UCK2: variants seen among roughly 807,000 people sequenced by gnomAD.
UCK2 encodes uridine-cytidine kinase 2.
A neutral mutation model predicts 30.8 loss-of-function variants in UCK2; 6 were observed. The ratio of observed to expected loss-of-function variants is 0.19; its 90% CI spans 0.11 to 0.38. UCK2 has a LOEUF of 0.38. Among genes scored for constraint, UCK2 ranks in the 10% least tolerant of loss-of-function variants. The probability of loss-of-function intolerance (pLI) is 1.00; values close to 1 mark genes in which losing one functional copy is unlikely to be tolerated. For synonymous variants in UCK2, 125 were observed against 133.6 expected (o/e 0.94, Z 0.45); for missense variants, 210 against 339.8 (o/e 0.62, Z 3.00).
intron 6 of UCK2, among the ~76,000 whole-genome samples, chr1:165,907,089 A>G (rs981563778): frequency 1.3e-5 from 2 of 152,186 alleles, no homozygotes; most frequent in African/African-American, 4.8e-5. Context: ...TACAGTCTGA[A>G]GGAATTATCC....
intron 1 of UCK2, among the ~76,000 whole-genome samples, chr1:165,829,104 A>G (rs529381789): frequency 4.6e-5 from 7 of 152,024 alleles, no homozygotes; most frequent in Admixed American, 1.3e-4. Context: ...CCTGGTCTGG[A>G]CTACTTTAGC....
At chr1:165,893,842 A>C (rs1266848231) in intron 3 of UCK2, among the ~76,000 whole-genome samples, 7 of 152,250 alleles carry the variant, frequency 4.6e-5, no homozygotes, top group Non-Finnish European at 5.9e-5. Context: ...AGGCACCACC[A>C]ACAAATTAGG....
rs61491030 is a variant in UCK2, at chr1:165,850,927, AT to A, written c.99+23022del. Among the ~76,000 whole-genome samples, 1,017 of 109,832 alleles carry A rather than the reference AT, an allele frequency of 9.3e-3. 12 individuals carry two copies. Among genetic ancestry groups the A allele is most frequent in the African/African-American group, 0.029 (851 of 29,348 alleles). 72.1% of individuals were successfully genotyped at this position (109,832 alleles called of 152,430 possible). On this transcript the variant is annotated intron_variant, in intron 1 of 6. Coordinates refer to ENST00000367879, the MANE Select transcript of UCK2 (RefSeq NM_012474.5). ...GTGAGCCACCACGCCTGGCCTTTAA[AT>A]TTTTTTTTTTTTTTTTTTTTTTTTT... is the stretch of plus-strand genomic sequence containing the variant.
At position 165,827,737 on chromosome 1, in the gene UCK2, AGCG is replaced by A; in HGVS notation, c.-91_-89del. On this transcript the variant is annotated 5_prime_UTR_variant, in exon 1 of 7. Coordinates refer to ENST00000367879, the MANE Select transcript of UCK2 (RefSeq NM_012474.5). ...AGCGGCCTCAGCCCCGGCAGCGCCC[AGCG>A]GCGGCTGCGGAAAGCGGAGGGAGTC... 8.9e-7 allele frequency: 1 copy of A among 1,121,414 alleles called. No homozygotes were observed. Among genetic ancestry groups the A allele is most frequent in the Non-Finnish European group, 1.1e-6 (1 of 871,652 alleles). The allele number at this position is 1,121,414 out of a possible 1,614,324, so 69.5% of individuals were successfully genotyped here.
chr1:165,890,819 TA>T, intron 2 of UCK2: 1 of 259,108 alleles, frequency 3.9e-6, no homozygotes, highest in Non-Finnish European at 7.5e-6. Flanking sequence ...ACTGCTCCTT[TA>T]GCTGGCTTGG....
intron 1 of UCK2, among the ~76,000 whole-genome samples, chr1:165,879,171 C>T (rs114913307): frequency 4.2e-4 from 64 of 152,188 alleles, no homozygotes; most frequent in African/African-American, 1.4e-3. Flanking sequence ...TTCTTATTGT[C>T]GAATTTTAAG....
chr1:165,861,336 C>G (rs2101864864), intron 1 of UCK2, among the ~76,000 whole-genome samples: 1 of 152,038 alleles, frequency 6.6e-6, no homozygotes, highest in East Asian at 1.9e-4. Context: ...ATCCTAAAAA[C>G]AGTAAAACTC....
chr1:165,844,873 G>A (rs2101854387), intron 1 of UCK2, among the ~76,000 whole-genome samples: 1 of 152,236 alleles, frequency 6.6e-6, no homozygotes. Context: ...CTTCCCACAT[G>A]CCTCACCCTT....
intron 1 of UCK2, among the ~76,000 whole-genome samples, chr1:165,829,036 A>G (rs985362195): frequency 2.6e-5 from 4 of 152,174 alleles, no homozygotes; most frequent in Non-Finnish European, 4.4e-5. Context: ...ACGAGGTTTT[A>G]GCTCCCGAAC....
At chr1:165,875,951 T>C (rs1410977454) in intron 1 of UCK2, among the ~76,000 whole-genome samples, 3 of 152,106 alleles carry the variant, frequency 2.0e-5, no homozygotes, top group Non-Finnish European at 4.4e-5. Flanking sequence ...GGGGAAAGAT[T>C]AGATTCCTGC....
rs1654272282 is a variant in UCK2, at chr1:165,839,449, A to T, written c.99+11517A>T. On this transcript the variant is annotated intron_variant, in intron 1 of 6. Transcript: ENST00000367879. ...GAGACATCCATTGTTAAGGTGGAAA[A>T]GCTTGTGTTTTAGACCTGTCTTCTG... Among the ~76,000 whole-genome samples, 3 of 151,874 alleles carry T rather than the reference A, an allele frequency of 2.0e-5. No homozygotes were observed. In the South Asian group the frequency reaches 6.2e-4, roughly 32 times the overall value.
intron 1 of UCK2, among the ~76,000 whole-genome samples, chr1:165,876,490 GT>G (rs1655340361): frequency 6.6e-6 from 1 of 152,144 alleles, no homozygotes; most frequent in African/African-American, 2.4e-5. Context: ...TGCAGGACAA[GT>G]TTGTAAAATG....
intron 1 of UCK2, among the ~76,000 whole-genome samples, chr1:165,850,926 AATTTTTTTTTT>A: frequency 1.1e-5 from 1 of 91,414 alleles, no homozygotes; most frequent in Admixed American, 1.6e-4. Flanking sequence ...CTGGCCTTTA[AATTTTTTTTTT>A]TTTTTTTTTT....
intron 1 of UCK2, among the ~76,000 whole-genome samples, chr1:165,867,958 G>A (rs536326527): frequency 3.3e-4 from 50 of 152,256 alleles, no homozygotes; most frequent in Non-Finnish European, 5.6e-4. Context: ...GTAGCCTTAC[G>A]AAATGTATTT....
chr1:165,828,929 C>T (rs1456053541), intron 1 of UCK2, among the ~76,000 whole-genome samples: 2 of 152,236 alleles, frequency 1.3e-5, no homozygotes, highest in South Asian at 4.2e-4. Context: ...ATCCTGAGAG[C>T]TGGGTGCTGG....
At chr1:165,869,659 C>CTT (rs71100867) in intron 1 of UCK2, among the ~76,000 whole-genome samples, 25,913 of 73,882 alleles carry the variant, frequency 0.35, 3,815 homozygotes, top group East Asian at 0.47. Flanking sequence ...CATCATGGGC[C>CTT]TTTTTTTTTT....
intron 1 of UCK2, among the ~76,000 whole-genome samples, chr1:165,844,927 T>A (rs918056427): frequency 6.6e-6 from 1 of 152,212 alleles, no homozygotes; most frequent in Non-Finnish European, 1.5e-5. Context: ...CTTTATAATC[T>A]TTATAATAAA....
In UCK2 at chr1:165,890,309, A is replaced by G; in HGVS notation, c.205A>G (p.Thr69Ala). 1 of 1,613,852 alleles carries G rather than the reference A, an allele frequency of 6.2e-7. No homozygotes were observed. Among genetic ancestry groups the G allele is most frequent in the Non-Finnish European group, 8.5e-7 (1 of 1,180,006 alleles). Residue 69 changes from threonine (T) to alanine (A), a missense_variant, in exon 2 of 7, where the codon ACC becomes GCC. This residue lies in a region of UCK2 where 75 missense variants were observed against 124.7 expected (regional missense o/e 0.60). Transcript: ENST00000367879. ...LSQDSFYRVL[T>A]SEQKAKALKG... Reference sequence around the variant, plus strand: ...CCAGGATAGCTTCTACCGTGTCCTTACCTCGGAGCAGAAGGCCAAAGCCCT... The same window carrying G: ...CCAGGATAGCTTCTACCGTGTCCTTGCCTCGGAGCAGAAGGCCAAAGCCCT...
intron 1 of UCK2, among the ~76,000 whole-genome samples, chr1:165,869,754 T>C (rs1655149958): frequency 7.1e-6 from 1 of 141,836 alleles, no homozygotes; most frequent in Non-Finnish European, 1.5e-5. Context: ...CACTGCAGGC[T>C]CAAGCGATCC....
Sources: gnomAD v4.1 joint callset for allele counts (sites outside exome capture counted in the v4.1 genomes callset) on GRCh38, gnomAD v4.1.1 for gene constraint, gnomAD v4.1.1 regional missense constraint, MANE v1.5 for transcripts, NCBI Gene and HGNC (gene_info 2026-07-23, HGNC 2026-07-21) for gene names.